Variants in GALNT12 observed in about 807,000 individuals in gnomAD.
GALNT12 encodes the protein UDP-GalNAc:polypeptide N-acetylgalactosaminyltransferase 12.
GALNT12 carries 45 observed loss-of-function variants against 55.5 expected under a neutral mutation model. The observed-to-expected ratio is 0.81, with a 90% CI of 0.64 to 1.04. The LOEUF (loss-of-function observed/expected upper bound fraction) is 1.04, where lower values mean the gene tolerates loss of function less well. Ranked by LOEUF, GALNT12 falls within the 50% of genes least tolerant of loss-of-function variation. The pLI, the probability that GALNT12 is intolerant of heterozygous loss-of-function variation, is 0.00. For missense variants in GALNT12, 709 were observed against 754.8 expected (o/e 0.94, Z 0.71); for synonymous variants, 304 against 312.2 (o/e 0.97, Z 0.28).
chr9:98,818,655 C>T (rs1478889139), intron 1 of GALNT12, among the ~76,000 whole-genome samples: 2 of 152,098 alleles, frequency 1.3e-5, no homozygotes, highest in African/African-American at 4.8e-5. Context: ...GTTCCTCAGT[C>T]TCTCATGGTC....
rs1362956930 is a variant in GALNT12 at position 98,849,401 on chromosome 9, C to T, written c.*309C>T. On this transcript the variant is annotated 3_prime_UTR_variant, in exon 10 of 10. Coordinates refer to ENST00000375011, the MANE Select transcript of GALNT12 (RefSeq NM_024642.5). The stretch of plus-strand genomic sequence containing the variant: ...TTTTTCTATCAAGATGTATATTTTA[C>T]AGTCGTGCCTTTTACTCTCATTAGC... 1 of 563,114 alleles carries T rather than the reference C, an allele frequency of 1.8e-6. No homozygotes were observed. The highest frequency in any genetic ancestry group is 1.9e-5 in the African/African-American group (1 of 53,340). The allele number at this position is 563,114 out of a possible 1,614,324, so 34.9% of individuals were successfully genotyped here.
In GALNT12 at chr9:98,849,166, C is replaced by A; in HGVS notation, c.*74C>A. On this transcript the variant is annotated 3_prime_UTR_variant, in exon 10 of 10. Coordinates refer to ENST00000375011, the MANE Select transcript of GALNT12 (RefSeq NM_024642.5). ...TCTGCCCAACAAAGACTTAGCTAAG[C>A]AGTGACCAGAACCCACCAAAAACTA... 6.5e-7 allele frequency: 1 copy of A among 1,535,474 alleles called. No individual in the cohort carries two copies. Among genetic ancestry groups the A allele is most frequent in the Non-Finnish European group, 9.0e-7 (1 of 1,110,790 alleles).
At chr9:98,848,815 G>A in intron 9 of GALNT12, 137 bp from the exon 10 acceptor site, 1 of 1,004,694 alleles carries the variant, frequency 1.0e-6, no homozygotes, top group Non-Finnish European at 1.5e-6. Flanking sequence ...CTGAGTTGCT[G>A]CGTTACACGG....
intron 3 of GALNT12, among the ~76,000 whole-genome samples, chr9:98,830,349 AGG>A (rs1200667491): frequency 1.3e-5 from 2 of 151,968 alleles, no homozygotes; most frequent in Non-Finnish European, 2.9e-5. Flanking sequence ...TCAACCAGGT[AGG>A]GCTCCTGGCA....
At chr9:98,813,764 T>C (rs775997689) in intron 1 of GALNT12, among the ~76,000 whole-genome samples, 11 of 152,016 alleles carry the variant, frequency 7.2e-5, no homozygotes, top group Non-Finnish European at 1.5e-4. Flanking sequence ...CCTCTCAAAG[T>C]GCTGGGATTA....
rs1369236930 is a variant in GALNT12, at chr9:98,823,219, TAG to T, written c.372-35_372-34del. ...CTCCATCCCCAGTGCCAGCCTGGGC[TAG>T]ATCCTGAGTTCCTGAAGTTCCGCTG... On this transcript the variant is annotated intron_variant, in intron 1 of 9. Transcript: ENST00000375011. The T allele has an allele frequency of 3.7e-6, 6 of 1,605,598 alleles. No individual in the cohort carries two copies. The South Asian group carries it at 5.5e-5, about 15-fold the overall frequency.
chr9:98,840,513 G>A (rs1025066763), intron 7 of GALNT12, among the ~76,000 whole-genome samples: 2 of 152,154 alleles, frequency 1.3e-5, no homozygotes, highest in Admixed American at 1.3e-4. Context: ...GGGTATAGGG[G>A]AGTCACTTCG....
intron 3 of GALNT12, among the ~76,000 whole-genome samples, chr9:98,829,480 C>G (rs557473089): frequency 6.6e-6 from 1 of 152,196 alleles, no homozygotes; most frequent in African/African-American, 2.4e-5. Context: ...TGAACCACCA[C>G]GCCCAGCCAG....
chr9:98,823,400 C>A lies in GALNT12; in HGVS notation c.516C>A (p.Ile172=). Residue 172 remains isoleucine (I), a synonymous_variant, in exon 2 of 10, where the codon ATC becomes ATA. Transcript: ENST00000375011. Reference sequence around the variant, plus strand: ...CGGATATCCTGCTAGAAGAAGTGATCCTTGTAGATGACTACAGTGATAGAG... The same window carrying A: ...CGGATATCCTGCTAGAAGAAGTGATACTTGTAGATGACTACAGTGATAGAG... The part of the protein sequence containing the change: ...TSPDILLEEV[I]LVDDYSDREH... 6.2e-7 allele frequency: 1 copy of A among 1,614,180 alleles called. No homozygotes were observed. Among genetic ancestry groups the A allele is most frequent in the South Asian group, 1.1e-5 (1 of 91,084 alleles).
Position 98,813,489 on chromosome 9 carries a change from T to C in GALNT12, c.371+5420T>C, listed in dbSNP as rs960201594. 7.4e-5 allele frequency among the ~76,000 whole-genome samples: 11 copies of C among 148,474 alleles called. No homozygotes were observed. The Admixed American group carries it at 7.5e-4, about 10-fold the overall frequency. ...TTTTACTTTCCTGTCGGCTAAGCCA[T>C]CCATTTAAAAAATTTTTTTTTTTTT... On this transcript the variant is annotated intron_variant, in intron 1 of 9. Coordinates refer to ENST00000375011, the MANE Select transcript of GALNT12 (RefSeq NM_024642.5).
In GALNT12 at chr9:98,809,388, C is replaced by G. The variant is rs139208104; in HGVS notation, c.371+1319C>G. Reference sequence around the variant, plus strand: ...CCAGCCTAACGCATGTTTAGCTCCTCGAAACCCCGAGGGTGCCCGCTGAGG... The same window carrying G: ...CCAGCCTAACGCATGTTTAGCTCCTGGAAACCCCGAGGGTGCCCGCTGAGG... On this transcript the variant is annotated intron_variant, in intron 1 of 9. Coordinates refer to ENST00000375011, the MANE Select transcript of GALNT12 (RefSeq NM_024642.5). 3.1e-3 allele frequency among the ~76,000 whole-genome samples: 478 copies of G among 152,304 alleles called. 3 individuals are homozygous for G. Among genetic ancestry groups the G allele is most frequent in the African/African-American group, 0.011 (453 of 41,572 alleles).
chr9:98,822,074 C>T (rs1835755615), intron 1 of GALNT12, among the ~76,000 whole-genome samples: 1 of 152,228 alleles, frequency 6.6e-6, no homozygotes, highest in African/African-American at 2.4e-5. Flanking sequence ...CAGTTTCCCT[C>T]CTCCTCCTGC....
At position 98,837,151 on chromosome 9, in the gene GALNT12, G is replaced by C. The variant is rs1836175247; in HGVS notation, c.1212+3G>C. The stretch of plus-strand genomic sequence containing the variant: ...ATCGCAACCCCCGTGCCCGCTTGGT[G>C]AGTTCCTCGGCCCACCTGCACTCCA... On this transcript the variant is annotated splice_donor_region_variant and intron_variant, in intron 6 of 9. Coordinates refer to ENST00000375011, the MANE Select transcript of GALNT12 (RefSeq NM_024642.5). 1 of 1,614,044 alleles carries C rather than the reference G, an allele frequency of 6.2e-7. No individual in the cohort carries two copies. Among genetic ancestry groups the C allele is most frequent in the Non-Finnish European group, 8.5e-7 (1 of 1,180,020 alleles).
intron 1 of GALNT12, among the ~76,000 whole-genome samples, chr9:98,817,555 C>A (rs1386224181): frequency 6.6e-6 from 1 of 151,996 alleles, no homozygotes; most frequent in Non-Finnish European, 1.5e-5. Context: ...CCTCCGCCTC[C>A]CAGGTTCAAG....
intron 7 of GALNT12, among the ~76,000 whole-genome samples, chr9:98,840,708 A>C (rs993443837): frequency 2.6e-5 from 4 of 152,206 alleles, no homozygotes; most frequent in Admixed American, 2.6e-4. Context: ...TTCATGTTAC[A>C]TTCTATTTTC....
Position 98,844,191 on chromosome 9 carries a change from T to A in GALNT12, c.1440T>A (p.His480Gln), listed in dbSNP as rs772369577. The change falls in exon 8 of 10, where the codon CAT (histidine) becomes CAA (glutamine). Residue 480 changes from histidine to glutamine, a missense_variant. By Grantham distance (24) the His-to-Gln change is conservative. This residue lies in a region of GALNT12 where 262 missense variants were observed against 310.7 expected (regional missense o/e 0.84). Coordinates refer to ENST00000375011, the MANE Select transcript of GALNT12 (RefSeq NM_024642.5). ...VGHQVILYLC[H>Q]GMGQNQFFEY... ...ACCAGGTCATTCTGTACCTCTGTCA[T>A]GGGATGGGCCAGAATCAGGTAGGTA... 6.2e-7 allele frequency: 1 copy of A among 1,610,702 alleles called. No homozygotes were observed.
chr9:98,821,141 C>A (rs1835725318), intron 1 of GALNT12, among the ~76,000 whole-genome samples: 2 of 152,170 alleles, frequency 1.3e-5, no homozygotes, highest in Admixed American at 1.3e-4. Context: ...CCCTGAGTAG[C>A]TGAGGTTATA....
chr9:98,848,790 G>T (rs1836478536), intron 9 of GALNT12, 162 bp from the exon 10 acceptor site: 1 of 802,886 alleles, frequency 1.2e-6, no homozygotes, highest in Admixed American at 2.1e-5. Flanking sequence ...CTGGTGCTGT[G>T]TCCCCGGGAC....
intron 6 of GALNT12, 24 bp from the exon 7 acceptor site, chr9:98,839,978 C>G: frequency 6.2e-7 from 1 of 1,613,932 alleles, no homozygotes; most frequent in African/African-American, 1.3e-5. Context: ...CCCATGGGGT[C>G]TCACTGTTTT....
Sources: gnomAD v4.1 joint callset for allele counts (sites outside exome capture counted in the v4.1 genomes callset) on GRCh38, gnomAD v4.1.1 for gene constraint, gnomAD v4.1.1 regional missense constraint, MANE v1.5 for transcripts, NCBI Gene and HGNC (gene_info 2026-07-23, HGNC 2026-07-21) for gene names.